UBQLN1: variants seen among roughly 807,000 people sequenced by gnomAD.
The protein encoded by UBQLN1 is ubiquilin 1, also known as ubiquilin-1.
In UBQLN1, 13 loss-of-function variants were observed where a neutral mutation model predicts 65.4. The observed-to-expected ratio is 0.20, with a 90% confidence interval of 0.13 to 0.32. The LOEUF is 0.32. UBQLN1 is among the 10% of genes least tolerant of loss of function. The probability of loss-of-function intolerance (pLI) is 1.00; values close to 1 mark genes in which losing one functional copy is unlikely to be tolerated. For missense variants in UBQLN1, 561 were observed against 724.0 expected (o/e 0.77, Z 2.58); for synonymous variants, 267 against 247.8 (o/e 1.08, Z -0.73).
rs1831601812 is a variant in UBQLN1 at position 83,663,893 on chromosome 9, A to G, written c.1599T>C (p.Leu533=). 6.2e-7 allele frequency: 1 copy of G among 1,613,824 alleles called. No individual in the cohort carries two copies. The highest frequency in any genetic ancestry group is 1.7e-5 in the Admixed American group (1 of 59,936). The change falls in exon 10 of 11, where the codon CTT becomes CTC. Residue 533 remains leucine (L), a synonymous_variant. Coordinates refer to ENST00000376395, the MANE Select transcript of UBQLN1 (RefSeq NM_013438.5). ...CTGATACCTGAGGATTTACTCCAGCAAGAGCCTGCAGCATCTGCTGAATAA... is the reference window on the plus strand; with the variant it reads ...CTGATACCTGAGGATTTACTCCAGCGAGAGCCTGCAGCATCTGCTGAATAA... The part of the protein sequence containing the change: ...QQFIQQMLQA[L]AGVNPQLQNP...
intron 1 of UBQLN1, among the ~76,000 whole-genome samples, chr9:83,697,864 T>C (rs937818881): frequency 6.7e-6 from 1 of 149,826 alleles, no homozygotes; most frequent in Non-Finnish European, 1.5e-5. Flanking sequence ...GCCTTCCGAG[T>C]AGCTGGGGAT....
rs373528219 is a variant in UBQLN1, at chr9:83,669,235, T to C, written c.1198A>G (p.Met400Val). 74 of 1,612,166 alleles carry C rather than the reference T, an allele frequency of 4.6e-5. No individual in the cohort carries two copies. The highest frequency in any genetic ancestry group is 6.2e-5 in the Non-Finnish European group (73 of 1,179,708). The change falls in exon 7 of 11, where the codon ATG (methionine) becomes GTG (valine). Residue 400 changes from methionine to valine, a missense_variant. By Grantham distance (21) the Met-to-Val change is conservative. Coordinates refer to ENST00000376395, the MANE Select transcript of UBQLN1 (RefSeq NM_013438.5). The stretch of plus-strand genomic sequence containing the variant: ...CTTAGTGACTGCATCATGCTTCTCA[T>C]GTAGGGGGCAGACAACATGTTTTGC... ...LMQNMLSAPYMRSMMQSLSQN... is the reference protein window; with the variant it reads ...LMQNMLSAPYVRSMMQSLSQN...
rs1208615633 is a variant in UBQLN1 at position 83,707,644 on chromosome 9, G to T, written c.36C>A (p.Gly12=). 3 of 1,568,682 alleles carry T rather than the reference G, an allele frequency of 1.9e-6. No homozygotes were observed. The highest frequency in any genetic ancestry group is 1.7e-6 in the Non-Finnish European group (2 of 1,158,236). ...CGGCTCCGGCGGCGCTATCCTGGGA[G>T]CCCGGAGGACCGCCGCTTTCACCAC... The part of the protein sequence containing the change: ...AESGESGGPP[G]SQDSAAGAEG... Residue 12 remains glycine (G), a synonymous_variant, in exon 1 of 11, where the codon GGC becomes GGA. Transcript: ENST00000376395.
chr9:83,678,592 T>G lies in UBQLN1; in HGVS notation c.719A>C (p.Glu240Ala). ...CATCATTGCTGGATTCCTGGCAAGT[T>G]CCAACGTCTACGAAAAATATTTCCA... ...NNPDIMRQTL[E>A]LARNPAMMQE... The change falls in exon 5 of 11, where the codon GAA becomes GCA. Residue 240 changes from glutamate (E) to alanine (A), a missense_variant. Physicochemically the swap from Glu to Ala is moderately radical, Grantham distance 107. Coordinates refer to ENST00000376395, the MANE Select transcript of UBQLN1 (RefSeq NM_013438.5). 1 of 1,594,100 alleles carries G rather than the reference T, an allele frequency of 6.3e-7. No individual in the cohort carries two copies. The highest frequency in any genetic ancestry group is 8.5e-7 in the Non-Finnish European group (1 of 1,174,450).
rs371589345 is a variant in UBQLN1, at chr9:83,665,026, C to T, written c.1448+4G>A. 8 of 1,600,538 alleles carry T rather than the reference C, an allele frequency of 5.0e-6. No individual in the cohort carries two copies. The highest frequency in any genetic ancestry group is 1.4e-5 in the African/African-American group (1 of 74,036). ...CTTTCATTATCTTCCCCAAATAAGC[C>T]TACCCTGGGATGAGGCCCGGGGCTT... On this transcript the variant is annotated splice_donor_region_variant and intron_variant, in intron 9 of 10. Coordinates refer to ENST00000376395, the MANE Select transcript of UBQLN1 (RefSeq NM_013438.5).
chr9:83,660,481 C>A lies in UBQLN1; in HGVS notation c.*1306G>T, dbSNP rs1414622550. ...GTTTGGGAGTTAGGCAAACAGAATTCTTTGGGGGAGGGAAGAAAAAGGCTA... is the reference window on the plus strand; with the variant it reads ...GTTTGGGAGTTAGGCAAACAGAATTATTTGGGGGAGGGAAGAAAAAGGCTA... On this transcript the variant is annotated 3_prime_UTR_variant, in exon 11 of 11. Coordinates refer to ENST00000376395, the MANE Select transcript of UBQLN1 (RefSeq NM_013438.5). The A allele has an allele frequency of 6.6e-6, 1 of 152,542 alleles. No individual in the cohort carries two copies. The highest frequency in any genetic ancestry group is 2.4e-5 in the African/African-American group (1 of 41,412). The allele number at this position is 152,542 out of a possible 1,614,324, so 9.4% of individuals were successfully genotyped here.
Position 83,679,773 on chromosome 9 carries a change from A to G in UBQLN1, c.711+2T>C, listed in dbSNP as rs1831910020. 1 of 1,612,796 alleles carries G rather than the reference A, an allele frequency of 6.2e-7. No individual in the cohort carries two copies. The highest frequency in any genetic ancestry group is 1.3e-5 in the African/African-American group (1 of 74,890). On this transcript the variant is annotated splice_donor_variant, in intron 4 of 10. Transcript: ENST00000376395. LOFTEE classifies it high-confidence loss of function. Reference sequence around the variant, plus strand: ...AACGAACTGAAAGAACTTTCCACATACTTGTCTCATTATATCTGGATTATT... The same window carrying G: ...AACGAACTGAAAGAACTTTCCACATGCTTGTCTCATTATATCTGGATTATT...
Position 83,669,187 on chromosome 9 carries a change from G to T in UBQLN1, c.1246C>A (p.Gln416Lys), listed in dbSNP as rs1246397566. 6.2e-7 allele frequency: 1 copy of T among 1,607,648 alleles called. No homozygotes were observed. The change falls in exon 7 of 11, where the codon CAG (glutamine) becomes AAG (lysine). Residue 416 changes from glutamine (Q) to lysine (K), a missense_variant and splice_region_variant. By Grantham distance (53) the Gln-to-Lys change is moderately conservative (BLOSUM62 1). This residue lies in a region of UBQLN1 where 102 missense variants were observed against 150.7 expected (regional missense o/e 0.68). Coordinates refer to ENST00000376395, the MANE Select transcript of UBQLN1 (RefSeq NM_013438.5). ...SLSQNPDLAA[Q>K]MMLNNPLFAG... ...TTTCAATACAATTACAAACTCACCT[G>T]TGCAGCAAGGTCAGGATTCTGGCTT...
chr9:83,678,964 G>A (rs750177679), intron 4 of UBQLN1, among the ~76,000 whole-genome samples: 5 of 151,908 alleles, frequency 3.3e-5, no homozygotes, highest in Admixed American at 2.0e-4. Context: ...CTCGTGATCC[G>A]CCCACCTCAG....
At chr9:83,678,632 A>C (rs1204660083) in intron 4 of UBQLN1, 33 bp from the exon 5 acceptor site, 9 of 1,585,162 alleles carry the variant, frequency 5.7e-6, no homozygotes, top group Middle Eastern at 3.4e-4. Flanking sequence ...AAGAAAAAAA[A>C]AAGGCATTGA....
chr9:83,667,645 A>T (rs1831662965), intron 7 of UBQLN1: 1 of 985,288 alleles, frequency 1.0e-6, no homozygotes, highest in Non-Finnish European at 1.2e-6. Context: ...AGGTTATCAC[A>T]CATATCTTTT....
At chr9:83,705,358 C>T (rs898463087) in intron 1 of UBQLN1, among the ~76,000 whole-genome samples, 1 of 151,282 alleles carries the variant, frequency 6.6e-6, no homozygotes, top group African/African-American at 2.4e-5. Context: ...ATTCTCCTGC[C>T]TCAGCCTCAG....
chr9:83,706,715 T>C (rs1292829167), intron 1 of UBQLN1, among the ~76,000 whole-genome samples: 2 of 152,234 alleles, frequency 1.3e-5, no homozygotes, highest in East Asian at 3.8e-4. Flanking sequence ...TTAAGTAATA[T>C]TCTGCATTCA....
intron 6 of UBQLN1, among the ~76,000 whole-genome samples, 157 bp downstream of exon 6, chr9:83,677,570 C>A (rs1187819911): frequency 6.6e-6 from 1 of 151,620 alleles, no homozygotes; most frequent in South Asian, 2.1e-4. Flanking sequence ...CTCAAAAAAA[C>A]AAAACAAAAC....
At chr9:83,694,572 A>G (rs1388996122) in intron 1 of UBQLN1, among the ~76,000 whole-genome samples, 13 of 152,246 alleles carry the variant, frequency 8.5e-5, no homozygotes, top group Admixed American at 8.5e-4. Context: ...AAAACTGTAC[A>G]CAGCCACAAA....
chr9:83,683,151 G>T, intron 2 of UBQLN1, 85 bp from the exon 3 acceptor site: 2 of 892,060 alleles, frequency 2.2e-6, no homozygotes, highest in Non-Finnish European at 3.5e-6. Context: ...AGTGGCTCAC[G>T]CCTGTAATCC....
chr9:83,663,438 C>A (rs1831594673), intron 10 of UBQLN1, among the ~76,000 whole-genome samples: 2 of 152,036 alleles, frequency 1.3e-5, no homozygotes, highest in African/African-American at 4.8e-5. Flanking sequence ...GAGGTGGTGT[C>A]ATGGGTGGAG....
chr9:83,684,966 T>C (rs573942623), intron 2 of UBQLN1, among the ~76,000 whole-genome samples: 101 of 152,308 alleles, frequency 6.6e-4, no homozygotes, highest in African/African-American at 2.2e-3. Context: ...TGTCTTACAA[T>C]TGCTGACAGC....
intron 5 of UBQLN1, 62 bp from the exon 6 acceptor site, chr9:83,678,023 C>CAT: frequency 5.4e-6 from 5 of 931,436 alleles, no homozygotes; most frequent in Non-Finnish European, 7.5e-6. Flanking sequence ...AGATATGAAA[C>CAT]TTTTTTTTTT....
Sources: gnomAD v4.1 joint callset for allele counts (sites outside exome capture counted in the v4.1 genomes callset) on GRCh38, gnomAD v4.1.1 for gene constraint, gnomAD v4.1.1 regional missense constraint, MANE v1.5 for transcripts, NCBI Gene and HGNC (gene_info 2026-07-23, HGNC 2026-07-21) for gene names.